Variants in XRRA1 observed in about 807,000 individuals in gnomAD.
XRRA1 encodes X-ray radiation resistance-associated protein 1.
In XRRA1, 69 loss-of-function variants were observed where a neutral mutation model predicts 80.2. The observed-to-expected ratio is 0.86, with a 90% CI of 0.71 to 1.05. XRRA1 has a LOEUF of 1.05. Ranked by LOEUF, XRRA1 falls within the 50% of genes least tolerant of loss-of-function variation. The pLI is 0.00. For missense variants in XRRA1, 967 were observed against 976.4 expected (o/e 0.99, Z 0.13); for synonymous variants, 348 against 389.9 (o/e 0.89, Z 1.27).
At chr11:74,879,395 T>C (rs1401988596) in intron 10 of XRRA1, among the ~76,000 whole-genome samples, 4 of 152,200 alleles carry the variant, frequency 2.6e-5, no homozygotes, top group Non-Finnish European at 5.9e-5. Context: ...AGATATACAA[T>C]TATGTTGTCT....
At chr11:74,846,575 T>C (rs1446690469) in intron 15 of XRRA1, among the ~76,000 whole-genome samples, 1 of 152,186 alleles carries the variant, frequency 6.6e-6, no homozygotes, top group African/African-American at 2.4e-5. Flanking sequence ...TAAAAGGGAT[T>C]ATATACTATG....
At chr11:74,937,638 T>A (rs1007385830) in intron 3 of XRRA1, among the ~76,000 whole-genome samples, 4 of 151,556 alleles carry the variant, frequency 2.6e-5, no homozygotes. Flanking sequence ...ATGTCTACTG[T>A]AGAAAGAATT....
chr11:74,923,054 A>G (rs1398915510), intron 7 of XRRA1, among the ~76,000 whole-genome samples: 3 of 152,208 alleles, frequency 2.0e-5, no homozygotes, highest in East Asian at 3.8e-4. Context: ...AGACAGACCA[A>G]TCAGGGCACA....
Position 74,927,447 on chromosome 11 carries a change from C to A in XRRA1, c.466G>T (p.Ala156Ser), listed in dbSNP as rs780026133. The A allele has an allele frequency of 2.5e-6, 4 of 1,613,368 alleles. No homozygotes were observed. The African/African-American group carries it at 4.0e-5, about 16-fold the overall frequency. The change falls in exon 7 of 19, where the codon GCA becomes TCA. Residue 156 changes from alanine (A) to serine (S), a missense_variant. Physicochemically the swap from Ala to Ser is moderately conservative, Grantham distance 99 (BLOSUM62 1). Coordinates refer to ENST00000684022, the MANE Select transcript of XRRA1 (RefSeq NM_001378157.1). ...TAGATAGTTTTGATGCCATTAAATGCGAGATCCAGTTCCTTTAGGGCTGGA... is the reference window on the plus strand; with the variant it reads ...TAGATAGTTTTGATGCCATTAAATGAGAGATCCAGTTCCTTTAGGGCTGGA... The part of the protein sequence containing the change: ...TFPALKELDL[A>S]FNGIKTIYVK...
chr11:74,864,379 C>A (rs746223761), intron 10 of XRRA1, among the ~76,000 whole-genome samples: 2 of 152,120 alleles, frequency 1.3e-5, no homozygotes, highest in Non-Finnish European at 2.9e-5. Flanking sequence ...AGAAAGTAAC[C>A]CACTCATGTC....
rs1945136651 is a variant in XRRA1 at position 74,936,911 on chromosome 11, A to C, written c.252T>G (p.Pro84=). 1 of 1,613,504 alleles carries C rather than the reference A, an allele frequency of 6.2e-7. No homozygotes were observed. Among genetic ancestry groups the C allele is most frequent in the African/African-American group, 1.3e-5 (1 of 74,896 alleles). ...GAAAAGCCTGGTCCAGGATATGTCC[A>C]GGAAGGTCCACCTGATTTTCCCGCC... ...ESRRENQVDL[P]GHILDQAFLL... is the part of the protein sequence containing the mutation. The change falls in exon 4 of 19, where the codon CCT becomes CCG. Residue 84 remains proline (P), a synonymous_variant. Transcript: ENST00000684022.
chr11:74,884,901 C>T (rs760778364), intron 10 of XRRA1, among the ~76,000 whole-genome samples: 3 of 152,060 alleles, frequency 2.0e-5, no homozygotes, highest in Admixed American at 2.0e-4. Flanking sequence ...AACCCCAAAG[C>T]AAGCAAAAAA....
intron 5 of XRRA1, among the ~76,000 whole-genome samples, chr11:74,932,218 T>A (rs1387104994): frequency 6.6e-6 from 1 of 152,236 alleles, no homozygotes; most frequent in Non-Finnish European, 1.5e-5. Context: ...TAGATAGATA[T>A]TTTTAATTAA....
intron 12 of XRRA1, among the ~76,000 whole-genome samples, chr11:74,853,992 G>A (rs1175510892): frequency 6.6e-6 from 1 of 152,116 alleles, no homozygotes; most frequent in African/African-American, 2.4e-5. Context: ...GATACTGGGG[G>A]GGCGGAGGAT....
In XRRA1 at chr11:74,949,064, T is replaced by TA. The variant is rs1280826839; in HGVS notation, c.-210dup. The stretch of plus-strand genomic sequence containing the variant: ...GCCTGCCGCTATCTTCCCCACGCCT[T>TA]AGTAACTGCGACGCGACGGCAGACA... On this transcript the variant is annotated 5_prime_UTR_variant, in exon 1 of 19. Transcript: ENST00000684022. 5 of 455,150 alleles carry TA rather than the reference T, an allele frequency of 1.1e-5. No individual in the cohort carries two copies. Among genetic ancestry groups the TA allele is most frequent in the Non-Finnish European group, 2.0e-5 (5 of 253,544 alleles). The allele number at this position is 455,150 out of a possible 1,614,324, so 28.2% of individuals were successfully genotyped here.
intron 10 of XRRA1, among the ~76,000 whole-genome samples, chr11:74,871,086 T>A (rs10160410): frequency 6.6e-6 from 1 of 151,984 alleles, no homozygotes; most frequent in Non-Finnish European, 1.5e-5. Flanking sequence ...ACAACTGTTA[T>A]ATAGTCTTTC....
intron 10 of XRRA1, among the ~76,000 whole-genome samples, chr11:74,892,999 A>G (rs373130869): frequency 3.9e-5 from 6 of 152,158 alleles, no homozygotes; most frequent in Non-Finnish European, 7.3e-5. Flanking sequence ...TCAGTGTGGC[A>G]ATTCCTCAGG....
chr11:74,913,704 C>T (rs776393679), intron 8 of XRRA1: 18 of 152,172 alleles, frequency 1.2e-4, no homozygotes, highest in Non-Finnish European at 1.9e-4. Context: ...GAATATCATA[C>T]TGACTGGACC....
chr11:74,923,159 C>G (rs1941336233), intron 7 of XRRA1, among the ~76,000 whole-genome samples: 1 of 152,138 alleles, frequency 6.6e-6, no homozygotes, highest in Non-Finnish European at 1.5e-5. Context: ...AGGTATTCAC[C>G]AAATTGTTAA....
chr11:74,843,158 G>A lies in XRRA1; in HGVS notation c.*42C>T. 6.6e-7 allele frequency: 1 copy of A among 1,521,738 alleles called. No homozygotes were observed. Among genetic ancestry groups the A allele is most frequent in the South Asian group, 1.2e-5 (1 of 80,188 alleles). 94.3% of individuals were successfully genotyped at this position (1,521,738 alleles called of 1,614,324 possible). The stretch of plus-strand genomic sequence containing the variant: ...GGGCACAGAGCCCTCGGGGAGAGCT[G>A]GGGCACAGGCCGGGTGGTGCACACA... On this transcript the variant is annotated 3_prime_UTR_variant, in exon 19 of 19. Coordinates refer to ENST00000684022, the MANE Select transcript of XRRA1 (RefSeq NM_001378157.1).
chr11:74,921,050 T>C (rs529957257), intron 8 of XRRA1, among the ~76,000 whole-genome samples, 164 bp downstream of exon 8: 4 of 152,138 alleles, frequency 2.6e-5, no homozygotes, highest in Non-Finnish European at 4.4e-5. Context: ...ACACAGGAAA[T>C]TGGGGGCGTG....
At chr11:74,852,944 A>G (rs1295197599) in intron 12 of XRRA1, among the ~76,000 whole-genome samples, 2 of 152,196 alleles carry the variant, frequency 1.3e-5, no homozygotes, top group African/African-American at 2.4e-5. Flanking sequence ...TGGAAGAGGG[A>G]GGGCACTTCA....
chr11:74,921,077 G>T, intron 8 of XRRA1, 137 bp downstream of exon 8: 1 of 1,177,696 alleles, frequency 8.5e-7, no homozygotes, highest in Non-Finnish European at 1.2e-6. Flanking sequence ...AGGCCTTTCT[G>T]GGAGCTTCAG....
chr11:74,843,654 T>G, intron 18 of XRRA1, 200 bp downstream of exon 18: 1 of 833,136 alleles, frequency 1.2e-6, no homozygotes, highest in Admixed American at 2.7e-5. Context: ...TAAGCCCTGG[T>G]TCAGGACCTT....
Sources: gnomAD v4.1 joint callset for allele counts (sites outside exome capture counted in the v4.1 genomes callset) on GRCh38, gnomAD v4.1.1 for gene constraint, MANE v1.5 for transcripts, NCBI Gene and HGNC (gene_info 2026-07-23, HGNC 2026-07-21) for gene names.